The following KCNC2 variants were observed in gnomAD, a reference collection of about 807,000 sequenced individuals.
KCNC2 encodes the protein potassium voltage-gated channel subfamily C member 2.
KCNC2 carries 21 observed loss-of-function variants against 44.5 expected under a neutral mutation model. That is an observed-to-expected ratio of 0.47 (90% CI 0.33 to 0.68). The LOEUF (loss-of-function observed/expected upper bound fraction) is 0.68, where lower values mean the gene tolerates loss of function less well. Ranked by LOEUF, KCNC2 falls within the 30% of genes least tolerant of loss-of-function variation. The pLI is 0.01. For missense variants in KCNC2, 589 were observed against 826.2 expected, an observed-to-expected ratio of 0.71 and a Z score of 3.52; for synonymous variants, 391 against 339.1, an observed-to-expected ratio of 1.15 and a Z score of -1.68.
intron 2 of KCNC2, among the ~76,000 whole-genome samples, chr12:75,108,486 C>T (rs148011599): frequency 6.6e-6 from 1 of 152,270 alleles, no homozygotes; most frequent in East Asian, 1.9e-4. Flanking sequence ...CCCTCCACAG[C>T]CTCTAGAAAA....
intron 4 of KCNC2, among the ~76,000 whole-genome samples, chr12:75,046,688 A>C (rs531102193): frequency 6.6e-6 from 1 of 151,908 alleles, no homozygotes; most frequent in Non-Finnish European, 1.5e-5. Context: ...ATATATTTAA[A>C]GATTTTTCTA....
chr12:75,098,449 C>A (rs1408947339), intron 2 of KCNC2, among the ~76,000 whole-genome samples: 3 of 152,044 alleles, frequency 2.0e-5, no homozygotes, highest in Non-Finnish European at 2.9e-5. Context: ...TCTTAAATTG[C>A]GTTGGTCTGG....
At chr12:75,175,349 A>G (rs1414794974) in intron 2 of KCNC2, among the ~76,000 whole-genome samples, 1 of 152,038 alleles carries the variant, frequency 6.6e-6, no homozygotes, top group Non-Finnish European at 1.5e-5. Flanking sequence ...TGAGATAAAT[A>G]TCATTAGGGA....
chr12:75,125,711 A>G lies in KCNC2; in HGVS notation c.688-74394T>C, dbSNP rs2137310178. Among the ~76,000 whole-genome samples, 3 of 152,360 alleles carry G rather than the reference A, an allele frequency of 2.0e-5. No homozygotes were observed. The Middle Eastern group carries it at 0.01, about 518-fold the overall frequency. ...GGGTCAGTCATGAGAAGAATTGTGA[A>G]GTACATTTCATGGTCATTGCCAATT... is the stretch of plus-strand genomic sequence containing the variant. On this transcript the variant is annotated intron_variant, in intron 2 of 4. Transcript: ENST00000549446.
chr12:75,057,726 A>G (rs1204324681), intron 2 of KCNC2, among the ~76,000 whole-genome samples: 1 of 152,006 alleles, frequency 6.6e-6, no homozygotes, highest in African/African-American at 2.4e-5. Context: ...CAGATTATAC[A>G]TAAACATGTA....
intron 2 of KCNC2, among the ~76,000 whole-genome samples, chr12:75,082,079 C>T (rs535362935): frequency 2.0e-5 from 3 of 152,016 alleles, no homozygotes; most frequent in Non-Finnish European, 2.9e-5. Flanking sequence ...CACAATAGTA[C>T]GTATTTCTTA....
At chr12:75,173,003 G>C (rs1400100818) in intron 2 of KCNC2, among the ~76,000 whole-genome samples, 1 of 151,784 alleles carries the variant, frequency 6.6e-6, no homozygotes, top group Non-Finnish European at 1.5e-5. Flanking sequence ...AGATCAAACA[G>C]AAATCCATTT....
At position 75,142,771 on chromosome 12, in the gene KCNC2, G is replaced by T. The variant is rs143203661; in HGVS notation, c.687+64526C>A. On this transcript the variant is annotated intron_variant, in intron 2 of 4. Coordinates refer to ENST00000549446, the MANE Select transcript of KCNC2 (RefSeq NM_139137.4). ...ACAGCGTAGTAGTTGGATCCAAAAA[G>T]CAGCATCCCAAGACAATATACATTA... 9.6e-3 allele frequency among the ~76,000 whole-genome samples: 1,466 copies of T among 152,250 alleles called. 24 individuals carry two copies. The highest frequency in any genetic ancestry group is 0.033 in the African/African-American group (1,379 of 41,542).
chr12:75,111,615 T>C (rs997546488), intron 2 of KCNC2, among the ~76,000 whole-genome samples: 1 of 152,072 alleles, frequency 6.6e-6, no homozygotes, highest in Non-Finnish European at 1.5e-5. Flanking sequence ...ACCAATAATA[T>C]ATGAGTTTCT....
At chr12:75,096,528 A>C (rs1031974202) in intron 2 of KCNC2, among the ~76,000 whole-genome samples, 1 of 152,096 alleles carries the variant, frequency 6.6e-6, no homozygotes, top group Non-Finnish European at 1.5e-5. Context: ...AGGAAAAATC[A>C]TATGGACAAC....
Position 75,161,622 on chromosome 12 carries a change from T to C in KCNC2, c.687+45675A>G, listed in dbSNP as rs192810342. On this transcript the variant is annotated intron_variant, in intron 2 of 4. Coordinates refer to ENST00000549446, the MANE Select transcript of KCNC2 (RefSeq NM_139137.4). ...AAAAGAATTACTCTAATCACCTTGGTAAAATTTCTGGCCCAGTAAGTTTTA... is the reference window on the plus strand; with the variant it reads ...AAAAGAATTACTCTAATCACCTTGGCAAAATTTCTGGCCCAGTAAGTTTTA... 1.3e-4 allele frequency among the ~76,000 whole-genome samples: 19 copies of C among 151,906 alleles called. No individual in the cohort carries two copies. In the East Asian group the frequency reaches 3.7e-3, roughly 30 times the overall value.
At chr12:75,152,058 A>G (rs967303474) in intron 2 of KCNC2, among the ~76,000 whole-genome samples, 45 of 147,782 alleles carry the variant, frequency 3.0e-4, no homozygotes, top group Non-Finnish European at 6.0e-4. Context: ...TATTGCTGTG[A>G]ACCTATAATT....
intron 2 of KCNC2, among the ~76,000 whole-genome samples, chr12:75,108,249 C>T (rs898939664): frequency 6.6e-6 from 1 of 152,154 alleles, no homozygotes; most frequent in Non-Finnish European, 1.5e-5. Flanking sequence ...TGGATATGCA[C>T]TATACTAATG....
rs535707328 is a variant in KCNC2, at chr12:75,141,424, A to G, written c.687+65873T>C. 2.6e-5 allele frequency among the ~76,000 whole-genome samples: 4 copies of G among 152,330 alleles called. No homozygotes were observed. The South Asian group carries it at 8.3e-4, about 32-fold the overall frequency. Reference sequence around the variant, plus strand: ...AACTAGTATAAAATAGCAAGTAGTAATTACAGTAGTAGTGATAGTAATTAT... The same window carrying G: ...AACTAGTATAAAATAGCAAGTAGTAGTTACAGTAGTAGTGATAGTAATTAT... On this transcript the variant is annotated intron_variant, in intron 2 of 4. Transcript: ENST00000549446.
chr12:75,061,063 A>G (rs2042543422), intron 2 of KCNC2, among the ~76,000 whole-genome samples: 1 of 152,092 alleles, frequency 6.6e-6, no homozygotes, highest in Admixed American at 6.6e-5. Flanking sequence ...TTTCTGTAAT[A>G]TTTGATTTTC....
chr12:75,054,880 G>A (rs979597167), intron 2 of KCNC2, among the ~76,000 whole-genome samples: 5 of 152,112 alleles, frequency 3.3e-5, no homozygotes, highest in African/African-American at 4.8e-5. Flanking sequence ...ATTATCCAGA[G>A]GCAAACACTT....
At chr12:75,048,730 G>GT (rs1240510372) in intron 3 of KCNC2, among the ~76,000 whole-genome samples, 1 of 152,060 alleles carries the variant, frequency 6.6e-6, no homozygotes, top group Non-Finnish European at 1.5e-5. Flanking sequence ...TGGCTTTGTG[G>GT]TTTTTTAAGA....
At chr12:75,078,641 A>G (rs1159209214) in intron 2 of KCNC2, among the ~76,000 whole-genome samples, 8 of 152,146 alleles carry the variant, frequency 5.3e-5, no homozygotes, top group African/African-American at 1.9e-4. Context: ...CATCTTATCA[A>G]TGAAGAGGAA....
intron 2 of KCNC2, among the ~76,000 whole-genome samples, chr12:75,202,063 G>T (rs2031326932): frequency 6.6e-6 from 1 of 151,854 alleles, no homozygotes; most frequent in Non-Finnish European, 1.5e-5. Flanking sequence ...ATTTTCAAAT[G>T]CAAAATCTAC....
Sources: allele counts gnomAD v4.1 joint callset (sites outside exome capture counted in the v4.1 genomes callset), GRCh38; gene constraint gnomAD v4.1.1; transcripts MANE v1.5; gene names NCBI Gene and HGNC (gene_info 2026-07-23, HGNC 2026-07-21).